WWOX: variants seen among roughly 807,000 people sequenced by gnomAD.
WWOX encodes the protein WW domain-containing oxidoreductase.
A neutral mutation model predicts 46.2 loss-of-function variants in WWOX; 69 were observed. The observed-to-expected ratio is 1.49, with a 90% CI of 1.23 to 1.82. The LOEUF is 1.82. Among genes scored for constraint, WWOX ranks in the 40% most tolerant of loss-of-function variants. The pLI is 0.00. For synonymous variants in WWOX, 359 were observed against 202.6 expected (o/e 1.77, Z -6.56); for missense variants, 919 against 542.6 (o/e 1.69, Z -6.89).
intron 8 of WWOX, among the ~76,000 whole-genome samples, chr16:79,120,146 A>G (rs548119576): frequency 6.6e-6 from 1 of 152,166 alleles, no homozygotes; most frequent in Non-Finnish European, 1.5e-5. Flanking sequence ...TTTAATCCAA[A>G]ACTCAGGGAC....
At chr16:78,471,729 G>A (rs116511827) in intron 8 of WWOX, among the ~76,000 whole-genome samples, 1 of 152,302 alleles carries the variant, frequency 6.6e-6, no homozygotes, top group African/African-American at 2.4e-5. Flanking sequence ...AATAGTCCCT[G>A]AACATCATTT....
chr16:78,124,859 C>G (rs763174599), intron 4 of WWOX, among the ~76,000 whole-genome samples: 6 of 152,106 alleles, frequency 3.9e-5, no homozygotes, highest in Non-Finnish European at 7.3e-5. Flanking sequence ...CTTCACTAGA[C>G]TCTAAGAGGA....
chr16:78,396,950 G>A (rs1359967866), intron 6 of WWOX, among the ~76,000 whole-genome samples: 2 of 152,260 alleles, frequency 1.3e-5, no homozygotes, highest in East Asian at 3.9e-4. Context: ...CTTGGACGGT[G>A]GCCCAGAGAC....
chr16:78,578,795 C>T (rs1056813746), intron 8 of WWOX, among the ~76,000 whole-genome samples: 4 of 152,156 alleles, frequency 2.6e-5, no homozygotes, highest in Non-Finnish European at 4.4e-5. Context: ...GTTTCCTGCG[C>T]GGCTTCCAGA....
At chr16:78,225,547 C>G (rs1267683256) in intron 5 of WWOX, among the ~76,000 whole-genome samples, 1 of 152,122 alleles carries the variant, frequency 6.6e-6, no homozygotes, top group East Asian at 1.9e-4. Context: ...ATTATATTGA[C>G]TCATATGTCT....
intron 8 of WWOX, among the ~76,000 whole-genome samples, chr16:78,888,344 G>A (rs1000543084): frequency 2.0e-5 from 3 of 152,174 alleles, no homozygotes; most frequent in Non-Finnish European, 2.9e-5. Context: ...TCTCAGAACT[G>A]AAATCCCAGG....
At chr16:78,719,175 T>A (rs1004867035) in intron 8 of WWOX, among the ~76,000 whole-genome samples, 4 of 152,172 alleles carry the variant, frequency 2.6e-5, no homozygotes, top group Middle Eastern at 3.2e-3. Context: ...CCAAAGCCTG[T>A]TTTCTTGCCT....
At chr16:78,732,666 A>G (rs1262150534) in intron 8 of WWOX, among the ~76,000 whole-genome samples, 1 of 152,098 alleles carries the variant, frequency 6.6e-6, no homozygotes. Flanking sequence ...TTAACTAACC[A>G]CCTAGATAGG....
Position 78,335,160 on chromosome 16 carries a change from G to T in WWOX, c.517-51700G>T, listed in dbSNP as rs540808839. On this transcript the variant is annotated intron_variant, in intron 5 of 8. Coordinates refer to ENST00000566780, the MANE Select transcript of WWOX (RefSeq NM_016373.4). ...TAAAACTTTAAGTTCCAGGGTACAT[G>T]TGTAAGATGTGCAAGTTTGTTACAT... is the stretch of plus-strand genomic sequence containing the variant. 5.9e-5 allele frequency among the ~76,000 whole-genome samples: 9 copies of T among 152,308 alleles called. No individual in the cohort carries two copies. In the South Asian group the frequency reaches 1.9e-3, roughly 32 times the overall value.
intron 8 of WWOX, among the ~76,000 whole-genome samples, chr16:79,070,664 G>C (rs1160707934): frequency 2.0e-5 from 3 of 152,190 alleles, no homozygotes; most frequent in African/African-American, 4.8e-5. Flanking sequence ...GGGTATGCGA[G>C]AGATGTCAAC....
chr16:78,849,865 G>C (rs2052398059), intron 8 of WWOX, among the ~76,000 whole-genome samples: 1 of 152,140 alleles, frequency 6.6e-6, no homozygotes, highest in South Asian at 2.1e-4. Flanking sequence ...CTAAGGTTGG[G>C]AGTTCGCGAC....
intron 8 of WWOX, among the ~76,000 whole-genome samples, chr16:78,944,575 A>G (rs1343850414): frequency 6.6e-6 from 1 of 152,160 alleles, no homozygotes; most frequent in African/African-American, 2.4e-5. Flanking sequence ...CATCTATGTA[A>G]GCACTCTGAA....
intron 8 of WWOX, among the ~76,000 whole-genome samples, chr16:78,997,271 T>A (rs1354195696): frequency 6.6e-6 from 1 of 152,146 alleles, no homozygotes; most frequent in African/African-American, 2.4e-5. Flanking sequence ...CAGCAAGACA[T>A]GTTATAATAT....
intron 8 of WWOX, among the ~76,000 whole-genome samples, chr16:79,079,420 C>A (rs531998188): frequency 3.3e-5 from 5 of 152,214 alleles, no homozygotes; most frequent in African/African-American, 1.2e-4. Context: ...ATTCATCCAT[C>A]CATCCATCTA....
At position 78,735,287 on chromosome 16, in the gene WWOX, T is replaced by C. The variant is rs142557469; in HGVS notation, c.1056+302535T>C. ...TTCTCCTGGCTCTCCACCTTGCCTATAGCGGATCTTGAGACTTTTTCTTAT... is the reference window on the plus strand; with the variant it reads ...TTCTCCTGGCTCTCCACCTTGCCTACAGCGGATCTTGAGACTTTTTCTTAT... On this transcript the variant is annotated intron_variant, in intron 8 of 8. Coordinates refer to ENST00000566780, the MANE Select transcript of WWOX (RefSeq NM_016373.4). Among the ~76,000 whole-genome samples, 480 of 151,866 alleles carry C rather than the reference T, an allele frequency of 3.2e-3. 5 individuals carry two copies. The highest frequency in any genetic ancestry group is 0.011 in the African/African-American group (455 of 41,386).
chr16:79,033,092 A>G (rs1289581924), intron 8 of WWOX, among the ~76,000 whole-genome samples: 1 of 150,226 alleles, frequency 6.7e-6, no homozygotes, highest in Non-Finnish European at 1.5e-5. Context: ...CCTGCAAAGG[A>G]CATGATCTCA....
Position 79,011,453 on chromosome 16 carries a change from T to TTTTTA in WWOX, c.1057-200146_1057-200142dup, listed in dbSNP as rs1453471728. Among the ~76,000 whole-genome samples the TTTTTA allele has an allele frequency of 4.1e-5, 6 of 146,504 alleles. No homozygotes were observed. In the South Asian group the frequency reaches 1.1e-3, roughly 26 times the overall value. On this transcript the variant is annotated intron_variant, in intron 8 of 8. Transcript: ENST00000566780. ...TCCCCCATAGTCTTCCTTTTTTTAT[T>TTTTTA]TTTTATTTTATTTATTTATTTATTT... is the stretch of plus-strand genomic sequence containing the variant.
intron 8 of WWOX, among the ~76,000 whole-genome samples, chr16:78,863,156 C>T (rs1278603258): frequency 6.6e-6 from 1 of 151,994 alleles, no homozygotes; most frequent in African/African-American, 2.4e-5. Context: ...TGGGGTTTCA[C>T]CATGTTGGCC....
At chr16:78,540,032 ACAC>A (rs2151525431) in intron 8 of WWOX, among the ~76,000 whole-genome samples, 2 of 150,358 alleles carry the variant, frequency 1.3e-5, no homozygotes, top group East Asian at 1.9e-4. Context: ...ACACACACAC[ACAC>A]ACACACACAC....
Sources: gnomAD v4.1 joint callset for allele counts (sites outside exome capture counted in the v4.1 genomes callset) on GRCh38, gnomAD v4.1.1 for gene constraint, MANE v1.5 for transcripts, NCBI Gene and HGNC (gene_info 2026-07-23, HGNC 2026-07-21) for gene names.